RBFOX1: variants seen among roughly 807,000 people sequenced by gnomAD.
RBFOX1 encodes RNA binding protein fox-1 homolog 1.
RBFOX1 carries 8 observed loss-of-function variants against 57.7 expected under a neutral mutation model. The observed-to-expected ratio is 0.14, with a 90% CI of 0.08 to 0.25. RBFOX1 has a LOEUF of 0.25. Among genes scored for constraint, RBFOX1 ranks in the 10% least tolerant of loss-of-function variants. The probability of loss-of-function intolerance (pLI) is 1.00; values close to 1 mark genes in which losing one functional copy is unlikely to be tolerated. For missense variants in RBFOX1, 611 were observed against 548.5 expected, an observed-to-expected ratio of 1.11 and a Z score of -1.14; for synonymous variants, 326 against 222.4, an observed-to-expected ratio of 1.47 and a Z score of -4.15.
intron 3 of RBFOX1, among the ~76,000 whole-genome samples, chr16:5,666,633 A>T (rs1181231657): frequency 6.6e-6 from 1 of 152,214 alleles, no homozygotes; most frequent in Non-Finnish European, 1.5e-5. Flanking sequence ...GACAGCTAAT[A>T]GGACTGGCAG....
intron 2 of RBFOX1, among the ~76,000 whole-genome samples, chr16:6,507,482 GCAACATAA>G (rs1355104370): frequency 3.9e-5 from 4 of 101,378 alleles, no homozygotes; most frequent in African/African-American, 1.6e-4. Context: ...ATCAACCTGG[GCAACATAA>G]CAAGACCCTA....
intron 1 of RBFOX1, among the ~76,000 whole-genome samples, chr16:5,240,699 A>G (rs1271392497): frequency 6.6e-6 from 1 of 152,220 alleles, no homozygotes; most frequent in Non-Finnish European, 1.5e-5. Context: ...AGAGGGACAG[A>G]GAGGCAAAGT....
chr16:7,314,857 C>T (rs1001581634), intron 4 of RBFOX1, among the ~76,000 whole-genome samples: 4 of 152,134 alleles, frequency 2.6e-5, no homozygotes, highest in Admixed American at 2.0e-4. Flanking sequence ...GATTCTTTTT[C>T]AATTTTTCAC....
rs150765770 is a variant in RBFOX1 at position 5,575,833 on chromosome 16, C to G, written c.259-23069C>G. Among the ~76,000 whole-genome samples, 930 of 125,040 alleles carry G rather than the reference C, an allele frequency of 7.4e-3. 15 individuals carry two copies. Among genetic ancestry groups the G allele is most frequent in the African/African-American group, 0.027 (863 of 32,140 alleles). 82.0% of individuals were successfully genotyped at this position (125,040 alleles called of 152,430 possible). On this transcript the variant is annotated intron_variant, in intron 2 of 2. Transcript: ENST00000585867. ...GCCCAGAGAATCTGGTGCCAGGACA[C>G]TGAATTTTCTCTCATTCAAAAAAAA...
chr16:6,748,667 C>G (rs547775486), intron 3 of RBFOX1, among the ~76,000 whole-genome samples: 2 of 152,228 alleles, frequency 1.3e-5, no homozygotes, highest in East Asian at 3.9e-4. Context: ...TCAAACAAAA[C>G]ACCTAATTAT....
chr16:7,551,471 G>C (rs1279270345), intron 5 of RBFOX1, among the ~76,000 whole-genome samples: 1 of 152,212 alleles, frequency 6.6e-6, no homozygotes, highest in Non-Finnish European at 1.5e-5. Context: ...TGAAAGCCAT[G>C]AGACACTGGA....
At chr16:6,279,437 G>A (rs1201959166) in intron 1 of RBFOX1, among the ~76,000 whole-genome samples, 2 of 152,204 alleles carry the variant, frequency 1.3e-5, no homozygotes, top group African/African-American at 4.8e-5. Flanking sequence ...TCTGTAAACA[G>A]CTTCCTCTGC....
chr16:7,334,289 G>C (rs1466808219), intron 4 of RBFOX1, among the ~76,000 whole-genome samples: 1 of 152,042 alleles, frequency 6.6e-6, no homozygotes, highest in African/African-American at 2.4e-5. Context: ...TAAACAAATG[G>C]GTCATCTGGA....
chr16:5,259,707 G>T (rs932235216), intron 1 of RBFOX1, among the ~76,000 whole-genome samples: 1 of 152,208 alleles, frequency 6.6e-6, no homozygotes, highest in Non-Finnish European at 1.5e-5. Context: ...TTATTCTAGT[G>T]GAAGCCAGTG....
intron 2 of RBFOX1, chr16:5,467,313 A>C: frequency 2.8e-6 from 4 of 1,435,828 alleles, no homozygotes; most frequent in South Asian, 1.2e-5. Context: ...AAATGAAAGC[A>C]ATAGAAAAAT....
intron 1 of RBFOX1, among the ~76,000 whole-genome samples, chr16:6,264,044 G>C (rs541543201): frequency 6.6e-6 from 1 of 152,302 alleles, no homozygotes; most frequent in South Asian, 2.1e-4. Flanking sequence ...TTAATTTGCT[G>C]AGGGTGAATT....
chr16:7,004,885 C>T (rs1016902155), intron 3 of RBFOX1, among the ~76,000 whole-genome samples: 1 of 152,138 alleles, frequency 6.6e-6, no homozygotes, highest in Non-Finnish European at 1.5e-5. Flanking sequence ...TGAGGTGACT[C>T]ACACCTGTAA....
intron 5 of RBFOX1, among the ~76,000 whole-genome samples, chr16:7,569,798 G>A (rs2152760186): frequency 6.6e-6 from 1 of 152,260 alleles, no homozygotes; most frequent in Non-Finnish European, 1.5e-5. Flanking sequence ...AGCCTAGGAA[G>A]TTGGGATTGC....
At chr16:6,751,536 G>A (rs745383969) in intron 3 of RBFOX1, among the ~76,000 whole-genome samples, 9 of 152,170 alleles carry the variant, frequency 5.9e-5, no homozygotes, top group Non-Finnish European at 1.3e-4. Context: ...GGAGTCACTA[G>A]TTGGATAAAG....
At position 6,019,352 on chromosome 16, in the gene RBFOX1, A is replaced by T. The variant is rs1567268000; in HGVS notation, c.-767A>T. The T allele has an allele frequency of 6.1e-6, 6 of 985,144 alleles. 1 individual carries two copies. The African/African-American group carries it at 1.1e-4, about 17-fold the overall frequency. The allele number at this position is 985,144 out of a possible 1,614,324, so 61.0% of individuals were successfully genotyped here. A position where few individuals can be genotyped will look rare whatever the true frequency, so the allele number is the denominator to read the frequency against. On this transcript the variant is annotated 5_prime_UTR_variant, in exon 1 of 16. Transcript: ENST00000550418. The surrounding 1 kb of genome is among the most constrained non-coding windows in gnomAD (Gnocchi z 4.2). The stretch of plus-strand genomic sequence containing the variant: ...CGCTGCCGCCGCCTCCTCCAGCCAG[A>T]GTCGGTGGGACTGGCTGCGCTGCCC...
intron 1 of RBFOX1, among the ~76,000 whole-genome samples, chr16:6,293,805 G>A (rs2077733051): frequency 1.3e-5 from 2 of 152,010 alleles, no homozygotes; most frequent in Non-Finnish European, 2.9e-5. Context: ...TCCAGTCCAA[G>A]GAAGTGGGAT....
intron 4 of RBFOX1, among the ~76,000 whole-genome samples, chr16:5,929,897 A>G (rs759869036): frequency 4.3e-5 from 6 of 139,148 alleles, no homozygotes; most frequent in Non-Finnish European, 7.8e-5. Flanking sequence ...TTAATTCTTA[A>G]TGAGGGTGGG....
At chr16:5,250,222 C>T (rs2062415640) in intron 1 of RBFOX1, among the ~76,000 whole-genome samples, 1 of 152,154 alleles carries the variant, frequency 6.6e-6, no homozygotes, top group African/African-American at 2.4e-5. Flanking sequence ...TCAGAGGTAA[C>T]ACTGGGGAGG....
At chr16:6,248,711 G>A (rs2097584265) in intron 1 of RBFOX1, among the ~76,000 whole-genome samples, 1 of 152,070 alleles carries the variant, frequency 6.6e-6, no homozygotes, top group Admixed American at 6.6e-5. Flanking sequence ...TTAAGTATGG[G>A]TTTTATAATT....
Sources: gnomAD v4.1 joint callset for allele counts (sites outside exome capture counted in the v4.1 genomes callset) on GRCh38, gnomAD v4.1.1 for gene constraint, Gnocchi (gnomAD v3.1) non-coding constraint, MANE v1.5 for transcripts, NCBI Gene and HGNC (gene_info 2026-07-23, HGNC 2026-07-21) for gene names.